Variants in AGMO observed in about 807,000 individuals in gnomAD.
AGMO encodes alkylglycerol monooxygenase, also known as glyceryl-ether monooxygenase.
AGMO carries 75 observed loss-of-function variants against 60.2 expected under a neutral mutation model. The ratio of observed to expected loss-of-function variants is 1.25; its 90% CI spans 1.03 to 1.51. The LOEUF (loss-of-function observed/expected upper bound fraction) is 1.51. Among genes scored for constraint, AGMO ranks in the 40% most tolerant of loss-of-function variants. The pLI, the probability that AGMO is intolerant of heterozygous loss-of-function variation, is 0.00. For missense variants in AGMO, 763 were observed against 525.5 expected (o/e 1.45, Z -4.42); for synonymous variants, 261 against 177.1 (o/e 1.47, Z -3.76).
intron 5 of AGMO, among the ~76,000 whole-genome samples, chr7:15,402,639 A>AAT (rs1174276278): frequency 2.0e-5 from 3 of 147,648 alleles, no homozygotes; most frequent in Non-Finnish European, 4.5e-5. Context: ...ATTAAATATA[A>AAT]ATATATATTA....
chr7:15,260,550 C>T (rs566707313), intron 12 of AGMO, among the ~76,000 whole-genome samples: 5 of 152,104 alleles, frequency 3.3e-5, no homozygotes, highest in African/African-American at 7.2e-5. Flanking sequence ...ATGAGATAGA[C>T]AGCAACACAA....
chr7:15,197,592 G>C (rs1051827445), downstream of AGMO, among the ~76,000 whole-genome samples: 1 of 152,186 alleles, frequency 6.6e-6, no homozygotes, highest in Non-Finnish European at 1.5e-5. Context: ...TAGAGCTAAG[G>C]TAATGAGCAA....
chr7:15,368,324 G>C (rs905127540), intron 10 of AGMO, among the ~76,000 whole-genome samples: 6 of 149,592 alleles, frequency 4.0e-5, no homozygotes, highest in Middle Eastern at 3.5e-3. Context: ...GGTGGTAGAA[G>C]TAACTAAGGT....
chr7:15,411,770 T>C (rs761262649), intron 5 of AGMO, among the ~76,000 whole-genome samples: 4 of 152,084 alleles, frequency 2.6e-5, no homozygotes, highest in African/African-American at 4.8e-5. Flanking sequence ...CTACAATCAT[T>C]ACTTAAAATA....
the AGMO span, among the ~76,000 whole-genome samples, chr7:15,118,148 C>A: frequency 7.0e-6 from 1 of 142,460 alleles, no homozygotes; most frequent in African/African-American, 2.7e-5. Flanking sequence ...TTAAATTGGC[C>A]GGAATTTAAA....
At chr7:15,431,957 C>A (rs1359394795) in intron 3 of AGMO, among the ~76,000 whole-genome samples, 2 of 151,632 alleles carry the variant, frequency 1.3e-5, no homozygotes, top group African/African-American at 2.4e-5. Flanking sequence ...TTATTCTGCC[C>A]ATATTTTAAA....
chr7:15,417,980 C>T (rs975016189), intron 5 of AGMO, among the ~76,000 whole-genome samples: 8 of 152,042 alleles, frequency 5.3e-5, no homozygotes, highest in Non-Finnish European at 1.2e-4. Context: ...TTAATAATTA[C>T]AAACATTCAA....
the AGMO span, among the ~76,000 whole-genome samples, chr7:15,156,245 T>C: frequency 1.3e-5 from 2 of 152,114 alleles, no homozygotes; most frequent in Admixed American, 1.3e-4. Flanking sequence ...TGCAAAAATA[T>C]TGTAGTGCTT....
At chr7:15,128,132 A>G in the AGMO span, among the ~76,000 whole-genome samples, 1 of 152,074 alleles carries the variant, frequency 6.6e-6, no homozygotes, top group Non-Finnish European at 1.5e-5. Context: ...GTGCCACCCA[A>G]GTTTGCCTCT....
At chr7:15,213,657 T>C (rs1441336588) in intron 12 of AGMO, among the ~76,000 whole-genome samples, 1 of 151,876 alleles carries the variant, frequency 6.6e-6, no homozygotes, top group African/African-American at 2.4e-5. Flanking sequence ...GATTCCAAAA[T>C]CGTCAATTCC....
the AGMO span, among the ~76,000 whole-genome samples, chr7:15,144,282 G>A: frequency 6.6e-6 from 1 of 152,070 alleles, no homozygotes; most frequent in Non-Finnish European, 1.5e-5. Context: ...CAAAAAAAAT[G>A]CACAGGTCTG....
At chr7:15,268,530 T>C (rs1385180644) in intron 12 of AGMO, among the ~76,000 whole-genome samples, 1 of 152,002 alleles carries the variant, frequency 6.6e-6, no homozygotes, top group East Asian at 1.9e-4. Flanking sequence ...TGAAGGAGTC[T>C]GGAATTATAT....
chr7:15,558,308 C>T (rs919942323), intron 2 of AGMO, among the ~76,000 whole-genome samples: 44 of 151,878 alleles, frequency 2.9e-4, no homozygotes, highest in African/African-American at 1.0e-3. Flanking sequence ...AAATGCATTC[C>T]AATTCAGTAA....
At chr7:15,308,936 G>GGT (rs961102707) in intron 12 of AGMO, among the ~76,000 whole-genome samples, 1 of 152,100 alleles carries the variant, frequency 6.6e-6, no homozygotes, top group African/African-American at 2.4e-5. Flanking sequence ...ACTTGTGGTT[G>GGT]GTCAAATGGA....
intron 3 of AGMO, among the ~76,000 whole-genome samples, chr7:15,542,375 T>G (rs1389950051): frequency 6.6e-6 from 1 of 152,206 alleles, no homozygotes; most frequent in Non-Finnish European, 1.5e-5. Context: ...ATACTTTAAA[T>G]AGCCTTGATG....
At chr7:15,227,508 T>TA (rs72001085) in intron 12 of AGMO, among the ~76,000 whole-genome samples, 179 of 140,148 alleles carry the variant, frequency 1.3e-3, no homozygotes, top group Middle Eastern at 3.7e-3. Flanking sequence ...GATGGCAGAT[T>TA]AAAAAAAAAA....
rs752396046 is a variant in AGMO, at chr7:15,201,243, T to G, written c.*42A>C. On this transcript the variant is annotated 3_prime_UTR_variant, in exon 13 of 13. Transcript: ENST00000342526. ...TTAATATGCAGTCATAATATGCGTG[T>G]GGACAACTCATTAAAAGAAGAGAAT... 10 of 1,374,926 alleles carry G rather than the reference T, an allele frequency of 7.3e-6. No individual in the cohort carries two copies. The Admixed American group carries it at 1.9e-4, about 26-fold the overall frequency. The allele number at this position is 1,374,926 out of a possible 1,614,324, so 85.2% of individuals were successfully genotyped here. A position where few individuals can be genotyped will look rare whatever the true frequency, so the allele number is the denominator to read the frequency against.
intron 12 of AGMO, among the ~76,000 whole-genome samples, chr7:15,218,593 T>C (rs1024566212): frequency 6.6e-6 from 1 of 152,082 alleles, no homozygotes; most frequent in African/African-American, 2.4e-5. Context: ...GCTTGGCTAA[T>C]ATACAATTTT....
chr7:15,415,860 A>G (rs868499782), intron 5 of AGMO, among the ~76,000 whole-genome samples: 22 of 152,254 alleles, frequency 1.4e-4, no homozygotes, highest in African/African-American at 4.8e-4. Flanking sequence ...AGAAGAGACT[A>G]TAACTGAATA....
Sources: gnomAD v4.1 joint callset for allele counts (sites outside exome capture counted in the v4.1 genomes callset) on GRCh38, gnomAD v4.1.1 for gene constraint, MANE v1.5 for transcripts, NCBI Gene and HGNC (gene_info 2026-07-23, HGNC 2026-07-21) for gene names.